CAMK4: variants seen among roughly 807,000 people sequenced by gnomAD.
CAMK4 encodes calcium/calmodulin-dependent protein kinase type IV.
Under a neutral mutation model 44.9 loss-of-function variants are expected in CAMK4, and 22 were observed. The observed-to-expected ratio is 0.49, with a 90% CI of 0.35 to 0.70. CAMK4 has a LOEUF of 0.70. Among genes scored for constraint, CAMK4 ranks in the 30% least tolerant of loss-of-function variants. CAMK4 has a pLI of 0.01. For synonymous variants in CAMK4, 218 were observed against 215.4 expected (o/e 1.01, Z -0.11); for missense variants, 498 against 586.8 (o/e 0.85, Z 1.56).
chr5:111,225,201 A>T (rs1748127282), intron 1 of CAMK4, among the ~76,000 whole-genome samples: 1 of 152,320 alleles, frequency 6.6e-6, no homozygotes, highest in East Asian at 1.9e-4. Context: ...CAGAATAATG[A>T]ACTAGTGTGG....
intron 5 of CAMK4, among the ~76,000 whole-genome samples, chr5:111,445,936 A>G (rs1273078089): frequency 6.6e-6 from 1 of 152,216 alleles, no homozygotes; most frequent in Non-Finnish European, 1.5e-5. Flanking sequence ...TTACTTTTGA[A>G]GAGGGGACTG....
At chr5:111,354,846 C>G (rs1750267632) in intron 2 of CAMK4, among the ~76,000 whole-genome samples, 1 of 152,070 alleles carries the variant, frequency 6.6e-6, no homozygotes, top group Non-Finnish European at 1.5e-5. Context: ...TGCCCTCAAC[C>G]AGGCAGACTC....
At chr5:111,253,232 C>T (rs1027586465) in intron 1 of CAMK4, among the ~76,000 whole-genome samples, 1 of 152,218 alleles carries the variant, frequency 6.6e-6, no homozygotes, top group African/African-American at 2.4e-5. Context: ...CCTGTCCCAT[C>T]ATTTTTGCCT....
At chr5:111,330,677 A>T (rs910277199) in intron 1 of CAMK4, among the ~76,000 whole-genome samples, 37 of 151,668 alleles carry the variant, frequency 2.4e-4, no homozygotes, top group African/African-American at 8.9e-4. Context: ...TATATAAGGG[A>T]CTTGAGCATC....
chr5:111,316,719 G>A (rs915164976), intron 1 of CAMK4, among the ~76,000 whole-genome samples: 2 of 152,140 alleles, frequency 1.3e-5, no homozygotes, highest in African/African-American at 2.4e-5. Flanking sequence ...AAAGGGATAG[G>A]AGCCCATAGT....
chr5:111,450,844 A>C (rs1754205831), intron 7 of CAMK4, among the ~76,000 whole-genome samples: 1 of 151,756 alleles, frequency 6.6e-6, no homozygotes, highest in Non-Finnish European at 1.5e-5. Flanking sequence ...CGTCTTAAGA[A>C]ATATTGTGTT....
chr5:111,226,948 A>G (rs1748220480), intron 1 of CAMK4, among the ~76,000 whole-genome samples: 1 of 152,224 alleles, frequency 6.6e-6, no homozygotes, highest in East Asian at 1.9e-4. Flanking sequence ...TTCTCGCTCT[A>G]TTATCTAGTC....
chr5:111,224,254 C>T, upstream of CAMK4: 1 of 421,110 alleles, frequency 2.4e-6, no homozygotes, highest in Non-Finnish European at 4.0e-6. This position sits in a 1 kb window ranked among gnomAD's most constrained non-coding sequence, Gnocchi z 5.7. Flanking sequence ...CAGCTAGTCT[C>T]CCTCCAGCGG....
At chr5:111,442,966 T>G (rs1309625258) in intron 5 of CAMK4, among the ~76,000 whole-genome samples, 8 of 149,966 alleles carry the variant, frequency 5.3e-5, no homozygotes, top group Non-Finnish European at 7.4e-5. Context: ...CAAAAACTCT[T>G]TGGGGTTTCC....
chr5:111,240,858 A>C (rs527988880), intron 1 of CAMK4, among the ~76,000 whole-genome samples: 1 of 152,188 alleles, frequency 6.6e-6, no homozygotes, highest in Non-Finnish European at 1.5e-5. Context: ...AAATAACCCT[A>C]TGACTTTAGT....
intron 7 of CAMK4, among the ~76,000 whole-genome samples, chr5:111,469,161 AAAAAAAAAAAAATATATATATAT>A (rs1294567680): frequency 1.2e-3 from 85 of 71,556 alleles, no homozygotes; most frequent in Non-Finnish European, 1.8e-3. Flanking sequence ...AAAAAAAAAA[AAAAAAAAAAAAATATATATATAT>A]ATATATATAT....
Position 111,482,717 on chromosome 5 carries a change from T to C in CAMK4, c.829-68T>C, listed in dbSNP as rs1401806525. Reference sequence around the variant, plus strand: ...GGAAATGGAATAAGATCTGGAAGTTTGTAAGCTGAGGGCAAGCCCAGGTCA... The same window carrying C: ...GGAAATGGAATAAGATCTGGAAGTTCGTAAGCTGAGGGCAAGCCCAGGTCA... On this transcript the variant is annotated intron_variant, in intron 9 of 10. Coordinates refer to ENST00000282356, the MANE Select transcript of CAMK4 (RefSeq NM_001744.6). This position sits in a 1 kb window ranked among gnomAD's most constrained non-coding sequence, Gnocchi z 4.9. 1.5e-5 allele frequency: 20 copies of C among 1,301,862 alleles called. No homozygotes were observed. The highest frequency in any genetic ancestry group is 4.5e-5 in the Admixed American group (2 of 44,586). The allele number at this position is 1,301,862 out of a possible 1,614,324, so 80.6% of individuals were successfully genotyped here.
At chr5:111,477,858 A>G (rs562722146) in intron 8 of CAMK4, among the ~76,000 whole-genome samples, 2 of 152,270 alleles carry the variant, frequency 1.3e-5, no homozygotes, top group Non-Finnish European at 2.9e-5. Context: ...ACTCATTTCT[A>G]TGGAGGATTT....
At chr5:111,453,780 C>T (rs571991526) in intron 7 of CAMK4, among the ~76,000 whole-genome samples, 1 of 152,318 alleles carries the variant, frequency 6.6e-6, no homozygotes, top group African/African-American at 2.4e-5. Context: ...GTTTAGACTA[C>T]TGCCTTTTGG....
intron 1 of CAMK4, among the ~76,000 whole-genome samples, chr5:111,316,592 G>A (rs763822688): frequency 1.3e-5 from 2 of 152,048 alleles, no homozygotes; most frequent in African/African-American, 4.8e-5. Flanking sequence ...CACGGTGAAG[G>A]CTCCTCTACA....
In CAMK4 at chr5:111,226,655, C is replaced by T. The variant is rs540282289; in HGVS notation, c.161+2011C>T. 2.0e-5 allele frequency among the ~76,000 whole-genome samples: 3 copies of T among 152,294 alleles called. No homozygotes were observed. The South Asian group carries it at 6.2e-4, about 32-fold the overall frequency. On this transcript the variant is annotated intron_variant, in intron 1 of 10. Coordinates refer to ENST00000282356, the MANE Select transcript of CAMK4 (RefSeq NM_001744.6). ...CCGTGTACAGATGGGATTTTGTAGA[C>T]ATGGTGAGATATGAAACACAAAACA...
Position 111,404,224 on chromosome 5 carries a change from A to G in CAMK4, c.459+9442A>G, listed in dbSNP as rs989539120. Among the ~76,000 whole-genome samples, 3 of 152,342 alleles carry G rather than the reference A, an allele frequency of 2.0e-5. No individual in the cohort carries two copies. In the South Asian group the frequency reaches 6.2e-4, roughly 32 times the overall value. The stretch of plus-strand genomic sequence containing the variant: ...CAAACATGCATGTTACATGTGACCC[A>G]TGTTCACTTTGGGATGGAGACTTAA... On this transcript the variant is annotated intron_variant, in intron 5 of 10. Coordinates refer to ENST00000282356, the MANE Select transcript of CAMK4 (RefSeq NM_001744.6).
chr5:111,335,351 A>C (rs768484602), intron 1 of CAMK4, among the ~76,000 whole-genome samples: 2 of 151,360 alleles, frequency 1.3e-5, no homozygotes, highest in East Asian at 3.9e-4. Flanking sequence ...TCCTAATTCC[A>C]TTTTGAATCA....
chr5:111,341,421 T>C (rs1417950668), intron 1 of CAMK4, among the ~76,000 whole-genome samples: 2 of 151,208 alleles, frequency 1.3e-5, no homozygotes, highest in Non-Finnish European at 3.0e-5. Context: ...TTTTTACATA[T>C]GGATATCTAG....
Sources: allele counts gnomAD v4.1 joint callset (sites outside exome capture counted in the v4.1 genomes callset), GRCh38; gene constraint gnomAD v4.1.1; non-coding constraint Gnocchi (gnomAD v3.1); transcripts MANE v1.5; gene names NCBI Gene and HGNC (gene_info 2026-07-23, HGNC 2026-07-21).